Variants in CTCF observed in about 807,000 individuals in gnomAD.
CTCF encodes the protein transcriptional repressor CTCF.
Under a neutral mutation model 72.3 loss-of-function variants are expected in CTCF, and 7 were observed. That is an observed-to-expected ratio of 0.10 (90% CI 0.06 to 0.18). The LOEUF (loss-of-function observed/expected upper bound fraction) is 0.18. Among genes scored for constraint, CTCF ranks in the 10% least tolerant of loss-of-function variants. The pLI, the probability that CTCF is intolerant of heterozygous loss-of-function variation, is 1.00. For synonymous variants in CTCF, 374 were observed against 315.8 expected (o/e 1.18, Z -1.95); for missense variants, 516 against 949.1 (o/e 0.54, Z 6.00).
At chr16:67,590,952 C>G (rs1262153199) in intron 2 of CTCF, among the ~76,000 whole-genome samples, 1 of 115,320 alleles carries the variant, frequency 8.7e-6, no homozygotes, top group Non-Finnish European at 1.7e-5. Context: ...CAGAGTGAGA[C>G]TCTGTCTCAA....
chr16:67,624,212 C>T (rs1008368307), intron 7 of CTCF, among the ~76,000 whole-genome samples: 1 of 151,140 alleles, frequency 6.6e-6, no homozygotes, highest in African/African-American at 2.4e-5. Context: ...TATGTCTTCA[C>T]CCTCTAGGTT....
At chr16:67,582,859 G>A (rs2051605532) in intron 2 of CTCF, among the ~76,000 whole-genome samples, 1 of 151,880 alleles carries the variant, frequency 6.6e-6, no homozygotes, top group Non-Finnish European at 1.5e-5. Context: ...CAGATAGGGT[G>A]ACATAGAGGT....
chr16:67,601,294 CGTGTGTGTGTGTGT>C (rs58241150), intron 2 of CTCF, among the ~76,000 whole-genome samples: 141 of 98,690 alleles, frequency 1.4e-3, no homozygotes, highest in Middle Eastern at 5.3e-3. Flanking sequence ...ACTCTGTCAC[CGTGTGTGTGTGTGT>C]GTGTGTGTGT....
In CTCF at chr16:67,638,521, T is replaced by G. The variant is rs927338987; in HGVS notation, c.*649T>G. On this transcript the variant is annotated 3_prime_UTR_variant, in exon 12 of 12. Transcript: ENST00000264010. ...CCCAGCATTTTAATTACTTGCAAATTAAGTTACCACAGACTCTGTAGTGTG... is the reference window on the plus strand; with the variant it reads ...CCCAGCATTTTAATTACTTGCAAATGAAGTTACCACAGACTCTGTAGTGTG... The G allele has an allele frequency of 4.4e-6, 1 of 228,220 alleles. No homozygotes were observed. Among genetic ancestry groups the G allele is most frequent in the Non-Finnish European group, 8.7e-6 (1 of 114,568 alleles). The allele number at this position is 228,220 out of a possible 1,614,324, so 14.1% of individuals were successfully genotyped here.
chr16:67,635,747 C>T (rs1261313778), intron 10 of CTCF: 4 of 152,134 alleles, frequency 2.6e-5, no homozygotes, highest in African/African-American at 9.7e-5. Context: ...CCTCAGCCTC[C>T]CAAAGTACTG....
intron 2 of CTCF, among the ~76,000 whole-genome samples, chr16:67,609,056 A>C (rs2045632784): frequency 6.6e-6 from 1 of 152,104 alleles, no homozygotes; most frequent in Admixed American, 6.6e-5. Context: ...CTACCTTAAT[A>C]AAGCTTTTTA....
intron 2 of CTCF, among the ~76,000 whole-genome samples, chr16:67,586,449 T>C (rs1321304204): frequency 6.6e-6 from 1 of 151,724 alleles, no homozygotes; most frequent in Non-Finnish European, 1.5e-5. Context: ...AGGCAGAGAA[T>C]TGCTTGAACC....
intron 2 of CTCF, among the ~76,000 whole-genome samples, chr16:67,575,775 T>C (rs987735011): frequency 2.6e-5 from 4 of 152,056 alleles, no homozygotes; most frequent in Non-Finnish European, 5.9e-5. Context: ...TGCATTAAAC[T>C]GAACTTCGAT....
intron 2 of CTCF, among the ~76,000 whole-genome samples, chr16:67,575,178 G>A (rs2051478835): frequency 1.3e-5 from 2 of 152,172 alleles, no homozygotes; most frequent in South Asian, 2.1e-4. Context: ...GAGCTGAGAA[G>A]GTTGAGGTTG....
At chr16:67,605,685 A>G (rs1438312574) in intron 2 of CTCF, among the ~76,000 whole-genome samples, 1 of 152,218 alleles carries the variant, frequency 6.6e-6, no homozygotes, top group Non-Finnish European at 1.5e-5. Context: ...AGAAAATTTT[A>G]AGTGCTAAAC....
intron 2 of CTCF, among the ~76,000 whole-genome samples, chr16:67,575,467 A>G (rs997782394): frequency 1.3e-5 from 2 of 151,586 alleles, no homozygotes; most frequent in African/African-American, 4.9e-5. Context: ...TTTTTGAGAG[A>G]TGGAGTCTCG....
chr16:67,628,582 A>C (rs908879822), intron 9 of CTCF, 30 bp downstream of exon 9: 2 of 1,601,764 alleles, frequency 1.2e-6, no homozygotes, highest in Non-Finnish European at 1.7e-6. Flanking sequence ...TTTGCCTGTT[A>C]TGATACTGAA....
Position 67,637,988 on chromosome 16 carries a change from C to A in CTCF, c.*116C>A. 3.1e-6 allele frequency: 3 copies of A among 955,118 alleles called. No individual in the cohort carries two copies. Among genetic ancestry groups the A allele is most frequent in the Non-Finnish European group, 4.5e-6 (3 of 662,290 alleles). The allele number at this position is 955,118 out of a possible 1,614,324, so 59.2% of individuals were successfully genotyped here. A position where few individuals can be genotyped will look rare whatever the true frequency, so the allele number is the denominator to read the frequency against. On this transcript the variant is annotated 3_prime_UTR_variant, in exon 12 of 12. Transcript: ENST00000264010. Reference sequence around the variant, plus strand: ...TTGGGAAAAGCATCATTTTACCAAACATACCGAGAACGAAAACTTCAAGGA... The same window carrying A: ...TTGGGAAAAGCATCATTTTACCAAAAATACCGAGAACGAAAACTTCAAGGA...
intron 5 of CTCF, among the ~76,000 whole-genome samples, chr16:67,617,786 A>G (rs2052151664): frequency 6.6e-6 from 1 of 152,224 alleles, no homozygotes; most frequent in South Asian, 2.1e-4. Context: ...TATCAATTTT[A>G]TTATTTGAAG....
intron 2 of CTCF, among the ~76,000 whole-genome samples, chr16:67,608,677 C>G (rs1179267022): frequency 6.6e-6 from 1 of 151,668 alleles, no homozygotes; most frequent in Admixed American, 6.6e-5. Flanking sequence ...GGATGGATCT[C>G]ATGATAAATA....
chr16:67,592,230 A>C (rs1342442035), intron 2 of CTCF, among the ~76,000 whole-genome samples: 1 of 151,260 alleles, frequency 6.6e-6, no homozygotes, highest in Admixed American at 6.6e-5. Context: ...TGGCCAACAT[A>C]GTGAAACCCT....
chr16:67,568,366 C>T (rs1398067973), intron 1 of CTCF: 1 of 151,240 alleles, frequency 6.6e-6, no homozygotes, highest in Non-Finnish European at 1.5e-5. Context: ...AGACGTGAGC[C>T]ACCATGCCTG....
At chr16:67,573,024 G>A (rs2051445887) in intron 2 of CTCF, among the ~76,000 whole-genome samples, 1 of 149,392 alleles carries the variant, frequency 6.7e-6, no homozygotes, top group African/African-American at 2.5e-5. Flanking sequence ...AGGCTGAGGT[G>A]GGCGGATCAC....
chr16:67,578,331 T>G (rs1433584897), intron 2 of CTCF, among the ~76,000 whole-genome samples: 1 of 146,602 alleles, frequency 6.8e-6, no homozygotes, highest in Non-Finnish European at 1.5e-5. Flanking sequence ...GTATCTTTTT[T>G]TTTTTTTTTT....
Sources: allele counts gnomAD v4.1 joint callset (sites outside exome capture counted in the v4.1 genomes callset), GRCh38; gene constraint gnomAD v4.1.1; transcripts MANE v1.5; gene names NCBI Gene and HGNC (gene_info 2026-07-23, HGNC 2026-07-21).